The following GTSE1 variants were observed in gnomAD, a reference collection of about 807,000 sequenced individuals.
The protein encoded by GTSE1 is G2 and S phase-expressed protein 1.
Under a neutral mutation model 60.5 loss-of-function variants are expected in GTSE1, and 52 were observed. The ratio of observed to expected loss-of-function variants is 0.86; its 90% CI spans 0.69 to 1.08. The LOEUF (loss-of-function observed/expected upper bound fraction) is 1.08, where lower values mean the gene tolerates loss of function less well. Among genes scored for constraint, GTSE1 ranks in the 50% least tolerant of loss-of-function variants. GTSE1 has a pLI of 0.00. For missense variants in GTSE1, 937 were observed against 961.8 expected (o/e 0.97, Z 0.34); for synonymous variants, 368 against 386.5 (o/e 0.95, Z 0.56).
chr22:46,303,495 CA>C (rs1297354142), intron 2 of GTSE1, among the ~76,000 whole-genome samples: 1 of 152,148 alleles, frequency 6.6e-6, no homozygotes, highest in Non-Finnish European at 1.5e-5. Flanking sequence ...GGCATCTGTG[CA>C]GTGTGATCAT....
intron 4 of GTSE1, among the ~76,000 whole-genome samples, chr22:46,311,234 C>T (rs566485574): frequency 3.2e-4 from 49 of 152,142 alleles, no homozygotes; most frequent in African/African-American, 1.1e-3. Flanking sequence ...CCCGCCACCA[C>T]GCCCGGCTAA....
chr22:46,300,990 C>G (rs2077686248), intron 2 of GTSE1, among the ~76,000 whole-genome samples: 1 of 152,176 alleles, frequency 6.6e-6, no homozygotes, highest in South Asian at 2.1e-4. Context: ...TGTTGCATCC[C>G]CCTTTCCATA....
chr22:46,301,202 A>G (rs1246471361), intron 2 of GTSE1, among the ~76,000 whole-genome samples: 2 of 152,214 alleles, frequency 1.3e-5, no homozygotes, highest in Non-Finnish European at 2.9e-5. Flanking sequence ...ATGCTGCAGT[A>G]AATAACTGTG....
chr22:46,297,541 T>C lies in GTSE1; in HGVS notation c.79+62T>C. 8.9e-7 allele frequency: 1 copy of C among 1,126,252 alleles called. No individual in the cohort carries two copies. Among genetic ancestry groups the C allele is most frequent in the Non-Finnish European group, 1.3e-6 (1 of 754,860 alleles). The allele number at this position is 1,126,252 out of a possible 1,614,324, so 69.8% of individuals were successfully genotyped here. A position where few individuals can be genotyped will look rare whatever the true frequency, so the allele number is the denominator to read the frequency against. Reference sequence around the variant, plus strand: ...GATGTTCAGTAGAGATGGAGGGTGATTTAATGTTTCCCTGAGAAATTCTTT... The same window carrying C: ...GATGTTCAGTAGAGATGGAGGGTGACTTAATGTTTCCCTGAGAAATTCTTT... On this transcript the variant is annotated intron_variant, in intron 2 of 11. Coordinates refer to ENST00000454366, the MANE Select transcript of GTSE1 (RefSeq NM_016426.7). This position sits in a 1 kb window ranked among gnomAD's most constrained non-coding sequence, Gnocchi z 4.9.
chr22:46,306,343 G>T (rs985324392), intron 2 of GTSE1, among the ~76,000 whole-genome samples: 11 of 151,706 alleles, frequency 7.3e-5, no homozygotes, highest in African/African-American at 2.4e-4. Context: ...CACCACGCCC[G>T]GCTAATTTTT....
At position 46,314,993 on chromosome 22, in the gene GTSE1, A is replaced by G. The variant is rs763781139; in HGVS notation, c.1051+980A>G. Among the ~76,000 whole-genome samples the G allele has an allele frequency of 1.5e-4, 23 of 151,964 alleles. No homozygotes were observed. Among genetic ancestry groups the G allele is most frequent in the Non-Finnish European group, 2.9e-4 (20 of 67,968 alleles). On this transcript the variant is annotated intron_variant, in intron 6 of 11. Transcript: ENST00000454366. This position sits in a 1 kb window ranked among gnomAD's most constrained non-coding sequence, Gnocchi z 7.1. ...GGTGATGACCTCCTGAGATCAAGCAATCCTCCCACCTCAGCCTCCTGAGTA... is the reference window on the plus strand; with the variant it reads ...GGTGATGACCTCCTGAGATCAAGCAGTCCTCCCACCTCAGCCTCCTGAGTA...
chr22:46,329,324 T>C lies in GTSE1; in HGVS notation c.1927-34T>C. The stretch of plus-strand genomic sequence containing the variant: ...CCCAAGATGGTTGCCAGAAAGATGC[T>C]GGACTCTGCTCTTAACCTTGGTTTT... On this transcript the variant is annotated intron_variant, in intron 10 of 11. Coordinates refer to ENST00000454366, the MANE Select transcript of GTSE1 (RefSeq NM_016426.7). This position sits in a 1 kb window ranked among gnomAD's most constrained non-coding sequence, Gnocchi z 6.4. 1 of 1,508,146 alleles carries C rather than the reference T, an allele frequency of 6.6e-7. No homozygotes were observed. The highest frequency in any genetic ancestry group is 9.2e-7 in the Non-Finnish European group (1 of 1,084,280). The allele number at this position is 1,508,146 out of a possible 1,614,324, so 93.4% of individuals were successfully genotyped here. A position where few individuals can be genotyped will look rare whatever the true frequency, so the allele number is the denominator to read the frequency against.
chr22:46,299,289 G>A (rs954030349), intron 2 of GTSE1, among the ~76,000 whole-genome samples: 5 of 152,254 alleles, frequency 3.3e-5, no homozygotes, highest in African/African-American at 1.2e-4. Context: ...CCTCAGGGCG[G>A]TCAGCATTCC....
chr22:46,326,398 G>A, intron 8 of GTSE1, 38 bp from the exon 9 acceptor site: 1 of 1,497,792 alleles, frequency 6.7e-7, no homozygotes, highest in South Asian at 1.2e-5. Context: ...CTTTTTCTAT[G>A]TCATCTCAGC....
Position 46,329,226 on chromosome 22 carries a change from A to G in GTSE1, c.1927-132A>G, listed in dbSNP as rs1764498375. 1 of 795,684 alleles carries G rather than the reference A, an allele frequency of 1.3e-6. No homozygotes were observed. The highest frequency in any genetic ancestry group is 2.2e-6 in the Non-Finnish European group (1 of 460,562). The allele number at this position is 795,684 out of a possible 1,614,324, so 49.3% of individuals were successfully genotyped here. A position where few individuals can be genotyped will look rare whatever the true frequency, so the allele number is the denominator to read the frequency against. On this transcript the variant is annotated intron_variant, in intron 10 of 11. Coordinates refer to ENST00000454366, the MANE Select transcript of GTSE1 (RefSeq NM_016426.7). The surrounding 1 kb of genome is among the most constrained non-coding windows in gnomAD (Gnocchi z 6.4). ...CCCACCCCATACAGAGCCTCCTTCC[A>G]CCAAGGCCCCGCCTGATTCCTTGGC...
In GTSE1 at chr22:46,297,444, C is replaced by A; in HGVS notation, c.44C>A (p.Ala15Glu). The change falls in exon 2 of 12, where the codon GCA becomes GAA. Residue 15 changes from alanine (A) to glutamate (E), a missense_variant. Coordinates refer to ENST00000454366, the MANE Select transcript of GTSE1 (RefSeq NM_016426.7). This position sits in a 1 kb window ranked among gnomAD's most constrained non-coding sequence, Gnocchi z 4.9. ...CGCGATGAGCCTTCAGCCTGCCGGG[C>A]AGGGGACGTGAACATGGATGACCCT... ...GGRDEPSACR[A>E]GDVNMDDPKK... The A allele has an allele frequency of 6.2e-7, 1 of 1,613,770 alleles. No homozygotes were observed. The highest frequency in any genetic ancestry group is 8.5e-7 in the Non-Finnish European group (1 of 1,179,662).
rs2077796113 is a variant in GTSE1, at chr22:46,318,905, C to T, written c.1432+2493C>T. Among the ~76,000 whole-genome samples the T allele has an allele frequency of 6.6e-6, 1 of 151,108 alleles. No individual in the cohort carries two copies. Among genetic ancestry groups the T allele is most frequent in the African/African-American group, 2.5e-5 (1 of 40,460 alleles). The stretch of plus-strand genomic sequence containing the variant: ...TCTAGTGTGGCTGCACCGGCTCTGG[C>T]CCTCATACCTCCCGGCAGGAAGCCT... On this transcript the variant is annotated intron_variant, in intron 7 of 11. Transcript: ENST00000454366. This position sits in a 1 kb window ranked among gnomAD's most constrained non-coding sequence, Gnocchi z 4.8.
intron 2 of GTSE1, among the ~76,000 whole-genome samples, chr22:46,299,959 A>ATTTTT (rs130640): frequency 1.0e-5 from 1 of 100,210 alleles, no homozygotes; most frequent in Non-Finnish European, 2.0e-5. Context: ...CGCCCAGCTA[A>ATTTTT]TTTTTTTTTT....
chr22:46,300,891 C>A (rs780449869), intron 2 of GTSE1, among the ~76,000 whole-genome samples: 22 of 152,226 alleles, frequency 1.4e-4, no homozygotes, highest in Non-Finnish European at 2.9e-4. Context: ...AAGTCACCTA[C>A]TTGCCCTTCC....
rs1307869346 is a variant in GTSE1, at chr22:46,317,975, G to A, written c.1432+1563G>A. 6.6e-6 allele frequency among the ~76,000 whole-genome samples: 1 copy of A among 152,240 alleles called. No homozygotes were observed. Among genetic ancestry groups the A allele is most frequent in the African/African-American group, 2.4e-5 (1 of 41,466 alleles). On this transcript the variant is annotated intron_variant, in intron 7 of 11. Transcript: ENST00000454366. The surrounding 1 kb of genome is among the most constrained non-coding windows in gnomAD (Gnocchi z 5.6). ...GCACCTGTGCACTGCCTGGTGCTCAGCCAGAGACTCGAGATTCCCTTGGGT... is the reference window on the plus strand; with the variant it reads ...GCACCTGTGCACTGCCTGGTGCTCAACCAGAGACTCGAGATTCCCTTGGGT...
Position 46,308,785 on chromosome 22 carries a change from G to C in GTSE1, c.604G>C (p.Ala202Pro). Residue 202 changes from alanine to proline, a missense_variant, in exon 4 of 12, where the codon GCG (alanine) becomes CCG (proline). Coordinates refer to ENST00000454366, the MANE Select transcript of GTSE1 (RefSeq NM_016426.7). ...TGGTGCCCAGGCCCGCCTCACCCGG[G>C]CGCCGGGGCCTCCGCACTCTGCTCA... is the stretch of plus-strand genomic sequence containing the variant. Reference protein sequence around the residue: ...SSGAQARLTRAPGPPHSAHAL... With the variant: ...SSGAQARLTRPPGPPHSAHAL... 6.2e-7 allele frequency: 1 copy of C among 1,613,144 alleles called. No individual in the cohort carries two copies. The highest frequency in any genetic ancestry group is 1.1e-5 in the South Asian group (1 of 91,082).
rs564878778 is a variant in GTSE1 at position 46,313,446 on chromosome 22, T to C, written c.928-444T>C. ...TTTGAGAAGTGCTGCTTGACTTTTT[T>C]CTTCTTTAAATTCAAGATGATAATT... On this transcript the variant is annotated intron_variant, in intron 5 of 11. Transcript: ENST00000454366. This position sits in a 1 kb window ranked among gnomAD's most constrained non-coding sequence, Gnocchi z 4.4. Among the ~76,000 whole-genome samples the C allele has an allele frequency of 5.3e-5, 8 of 152,222 alleles. No homozygotes were observed. Among genetic ancestry groups the C allele is most frequent in the Non-Finnish European group, 1.2e-4 (8 of 68,046 alleles).
chr22:46,301,503 TTA>T (rs2077689079), intron 2 of GTSE1, among the ~76,000 whole-genome samples: 1 of 151,628 alleles, frequency 6.6e-6, no homozygotes, highest in South Asian at 2.1e-4. Flanking sequence ...TTTTTTTTTT[TTA>T]AGACAGAGTT....
chr22:46,317,276 T>C lies in GTSE1; in HGVS notation c.1432+864T>C, dbSNP rs944191690. ...GCCACCGTGCCCGGCCCAGCCTTTT[T>C]CCTTGAGCTACAGTTTGGGTAGTTT... is the stretch of plus-strand genomic sequence containing the variant. On this transcript the variant is annotated intron_variant, in intron 7 of 11. Transcript: ENST00000454366. This position sits in a 1 kb window ranked among gnomAD's most constrained non-coding sequence, Gnocchi z 5.6. Among the ~76,000 whole-genome samples the C allele has an allele frequency of 2.0e-5, 3 of 152,180 alleles. No homozygotes were observed. Among genetic ancestry groups the C allele is most frequent in the Non-Finnish European group, 2.9e-5 (2 of 68,028 alleles).
Sources: allele counts gnomAD v4.1 joint callset (sites outside exome capture counted in the v4.1 genomes callset), GRCh38; gene constraint gnomAD v4.1.1; non-coding constraint Gnocchi (gnomAD v3.1); transcripts MANE v1.5; gene names NCBI Gene and HGNC (gene_info 2026-07-23, HGNC 2026-07-21).